FAAH2: variants seen among roughly 807,000 people sequenced by gnomAD.
FAAH2 encodes fatty-acid amide hydrolase 2.
Under a neutral mutation model 36.9 loss-of-function variants are expected in FAAH2, and 60 were observed. That is an observed-to-expected ratio of 1.63 (90% CI 1.32 to 2.02). The LOEUF (loss-of-function observed/expected upper bound fraction) is 2.02. Among genes scored for constraint, FAAH2 ranks in the 30% most tolerant of loss-of-function variants. The probability of loss-of-function intolerance (pLI) is 0.00; values close to 1 mark genes in which losing one functional copy is unlikely to be tolerated. For synonymous variants in FAAH2, 214 were observed against 143.8 expected (o/e 1.49, Z -3.49); for missense variants, 689 against 397.5 (o/e 1.73, Z -6.23).
intron 7 of FAAH2, among the ~76,000 whole-genome samples, chrX:57,410,391 G>C (rs2055669206): frequency 9.0e-6 from 1 of 111,273 alleles, no homozygotes; most frequent in South Asian, 3.8e-4. Flanking sequence ...GTTCTCAAGT[G>C]TAGTTTAAGT....
At chrX:57,197,805 G>A in the FAAH2 span, among the ~76,000 whole-genome samples, 2 of 112,110 alleles carry the variant, frequency 1.8e-5, no homozygotes, top group African/African-American at 6.5e-5. Flanking sequence ...GACTTTGTGA[G>A]TGTCTTTGGC....
chrX:57,150,274 G>C, the FAAH2 span, among the ~76,000 whole-genome samples: 2 of 111,832 alleles, frequency 1.8e-5, no homozygotes, highest in African/African-American at 6.5e-5. Context: ...TGTCTATTAG[G>C]TGCACTTGGT....
rs180818097 is a variant in FAAH2, at chrX:57,382,595, G to C, written c.996+1566G>C. Among the ~76,000 whole-genome samples the C allele has an allele frequency of 5.4e-3, 604 of 111,340 alleles. 12 individuals are homozygous for C. Among genetic ancestry groups the C allele is most frequent in the Admixed American group, 0.05 (525 of 10,471 alleles). ...ATCTAGAAGAAATGGATAAATTCCTGGACACATACACCCTCCCAAGACTAA... is the reference window on the plus strand; with the variant it reads ...ATCTAGAAGAAATGGATAAATTCCTCGACACATACACCCTCCCAAGACTAA... On this transcript the variant is annotated intron_variant, in intron 7 of 10. Transcript: ENST00000374900.
In FAAH2 at chrX:57,411,597, A is replaced by G. The variant is rs539948933; in HGVS notation, c.997-20321A>G. Among the ~76,000 whole-genome samples, 24 of 111,435 alleles carry G rather than the reference A, an allele frequency of 2.2e-4. No individual in the cohort carries two copies. In the South Asian group the frequency reaches 9.2e-3, roughly 43 times the overall value. The stretch of plus-strand genomic sequence containing the variant: ...GTTTCCTCTCCTTTTCACTGCTCCT[A>G]GTTAACTGCAGAGAATTCAGCTTTG... On this transcript the variant is annotated intron_variant, in intron 7 of 10. Coordinates refer to ENST00000374900, the MANE Select transcript of FAAH2 (RefSeq NM_174912.4).
At chrX:57,174,754 G>A in the FAAH2 span, among the ~76,000 whole-genome samples, 1 of 111,474 alleles carries the variant, frequency 9.0e-6, no homozygotes, top group Non-Finnish European at 1.9e-5. Flanking sequence ...TTTGCTGTAT[G>A]CCAGAGGTTT....
the FAAH2 span, among the ~76,000 whole-genome samples, chrX:57,139,266 C>A: frequency 8.9e-6 from 1 of 112,276 alleles, no homozygotes; most frequent in Non-Finnish European, 1.9e-5. Context: ...TTTCATTCTT[C>A]TGTGTATGGA....
At chrX:57,184,053 G>T in the FAAH2 span, among the ~76,000 whole-genome samples, 1 of 110,863 alleles carries the variant, frequency 9.0e-6, no homozygotes, top group Non-Finnish European at 1.9e-5. Flanking sequence ...TGGTAAATTT[G>T]TGGTCAGACC....
upstream of FAAH2, among the ~76,000 whole-genome samples, chrX:57,281,776 G>A (rs2051757193): frequency 9.0e-6 from 1 of 111,317 alleles, no homozygotes; most frequent in South Asian, 3.8e-4. Flanking sequence ...GTGGCCATAT[G>A]TCCTCATTGT....
At chrX:57,291,140 T>C (rs928593054) in intron 1 of FAAH2, among the ~76,000 whole-genome samples, 1 of 112,026 alleles carries the variant, frequency 8.9e-6, no homozygotes, top group South Asian at 3.7e-4. Flanking sequence ...ATGTTGGTTG[T>C]ATTATTAAAT....
intron 5 of FAAH2, among the ~76,000 whole-genome samples, chrX:57,366,562 G>A (rs927642648): frequency 1.8e-5 from 2 of 112,501 alleles, no homozygotes; most frequent in Admixed American, 1.9e-4. Flanking sequence ...CATGCCTGCA[G>A]GGTGGTGTGT....
intron 4 of FAAH2, among the ~76,000 whole-genome samples, chrX:57,335,661 C>G (rs184232608): frequency 1.8e-5 from 2 of 110,117 alleles, no homozygotes; most frequent in Non-Finnish European, 3.8e-5. Context: ...TGCAAAGAGG[C>G]GTTCCTTCCT....
At chrX:57,252,485 G>A in the FAAH2 span, among the ~76,000 whole-genome samples, 1 of 112,300 alleles carries the variant, frequency 8.9e-6, no homozygotes, top group Non-Finnish European at 1.9e-5. Flanking sequence ...ACACCTCCCA[G>A]TAGGGACTGA....
At chrX:57,322,651 G>A (rs2053065133) in intron 3 of FAAH2, among the ~76,000 whole-genome samples, 2 of 109,990 alleles carry the variant, frequency 1.8e-5, no homozygotes, top group Non-Finnish European at 3.8e-5. Context: ...TTCTAGATTC[G>A]GTCTCTTTAT....
chrX:57,368,349 G>A (rs949226114), intron 5 of FAAH2, among the ~76,000 whole-genome samples: 1 of 109,804 alleles, frequency 9.1e-6, no homozygotes, highest in Admixed American at 9.7e-5. Flanking sequence ...TGCCTATGTG[G>A]GAGCAGTGCA....
chrX:57,215,072 C>T, the FAAH2 span, among the ~76,000 whole-genome samples: 1 of 100,703 alleles, frequency 9.9e-6, no homozygotes, highest in South Asian at 4.8e-4. Flanking sequence ...TGGCAGGGGT[C>T]TAATATCCAA....
chrX:57,367,569 A>G (rs1394283651), intron 5 of FAAH2, among the ~76,000 whole-genome samples: 5 of 112,738 alleles, frequency 4.4e-5, no homozygotes. Flanking sequence ...CATTTTAACT[A>G]TATTATCTGA....
chrX:57,227,054 C>T, the FAAH2 span, among the ~76,000 whole-genome samples: 2 of 110,781 alleles, frequency 1.8e-5, no homozygotes, highest in Middle Eastern at 9.3e-3. Flanking sequence ...TCTCCCTTCA[C>T]TTTTTGTATT....
chrX:57,233,967 T>C, the FAAH2 span, among the ~76,000 whole-genome samples: 75 of 112,874 alleles, frequency 6.6e-4, no homozygotes, highest in Non-Finnish European at 2.1e-4. Flanking sequence ...TTGTTACTGC[T>C]CTTTTCCTAG....
At chrX:57,329,243 G>A (rs1172841247) in intron 3 of FAAH2, among the ~76,000 whole-genome samples, 3 of 111,936 alleles carry the variant, frequency 2.7e-5, no homozygotes, top group Non-Finnish European at 5.6e-5. Context: ...GTTGTTGGTT[G>A]CATTGACAGT....
Sources: gnomAD v4.1 joint callset for allele counts (sites outside exome capture counted in the v4.1 genomes callset) on GRCh38, gnomAD v4.1.1 for gene constraint, MANE v1.5 for transcripts, NCBI Gene and HGNC (gene_info 2026-07-23, HGNC 2026-07-21) for gene names.